GLT1D1: variants seen among roughly 807,000 people sequenced by gnomAD.
GLT1D1 encodes the protein glycosyltransferase 1 domain-containing protein 1.
A neutral mutation model predicts 28.7 loss-of-function variants in GLT1D1; 21 were observed. The observed-to-expected ratio is 0.73, with a 90% CI of 0.52 to 1.05. The LOEUF is 1.05. Among genes scored for constraint, GLT1D1 ranks in the 50% least tolerant of loss-of-function variants. The pLI is 0.00. For synonymous variants in GLT1D1, 147 were observed against 124.8 expected (o/e 1.18, Z -1.19); for missense variants, 343 against 330.6 (o/e 1.04, Z -0.29).
At chr12:128,866,850 ACCTCAGGTC>A (rs1956540334) in intron 1 of GLT1D1, among the ~76,000 whole-genome samples, 1 of 150,826 alleles carries the variant, frequency 6.6e-6, no homozygotes, top group South Asian at 2.1e-4. Context: ...TGAACTCCTG[ACCTCAGGTC>A]ATCCACCCAA....
At chr12:128,975,780 T>C (rs1225438944) in intron 7 of GLT1D1, among the ~76,000 whole-genome samples, 2 of 152,170 alleles carry the variant, frequency 1.3e-5, no homozygotes, top group African/African-American at 4.8e-5. Context: ...ATACTTATTT[T>C]AAAGTGAGCC....
intron 1 of GLT1D1, among the ~76,000 whole-genome samples, chr12:128,855,746 CTTTTTTTTTTTTT>C (rs34715979): frequency 1.1e-5 from 1 of 95,160 alleles, no homozygotes; most frequent in Non-Finnish European, 2.0e-5. Flanking sequence ...TGCTGGTTGC[CTTTTTTTTTTTTT>C]TTTTTTTTTT....
intron 1 of GLT1D1, among the ~76,000 whole-genome samples, chr12:128,862,681 C>T (rs1956410959): frequency 6.6e-6 from 1 of 152,112 alleles, no homozygotes; most frequent in African/African-American, 2.4e-5. Context: ...CTTCATTCAG[C>T]AGATATTTTT....
chr12:128,953,779 T>A (rs1229858403), intron 6 of GLT1D1, among the ~76,000 whole-genome samples: 1 of 151,664 alleles, frequency 6.6e-6, no homozygotes, highest in Non-Finnish European at 1.5e-5. Flanking sequence ...AGAGTCTCAC[T>A]CTGTTGCCCA....
rs1880498104 is a variant in GLT1D1 at position 128,983,126 on chromosome 12, A to G, written c.*36A>G. On this transcript the variant is annotated 3_prime_UTR_variant, in exon 8 of 8. Transcript: ENST00000281703. The surrounding 1 kb of genome is among the most constrained non-coding windows in gnomAD (Gnocchi z 4.7). ...TCATCAGACACCTGCTCTCTGACACACAGCTCTGGGTGCACACTCAGAGAC... is the reference window on the plus strand; with the variant it reads ...TCATCAGACACCTGCTCTCTGACACGCAGCTCTGGGTGCACACTCAGAGAC... 4 of 1,596,420 alleles carry G rather than the reference A, an allele frequency of 2.5e-6. No individual in the cohort carries two copies. In the South Asian group the frequency reaches 4.4e-5, roughly 18 times the overall value.
intron 1 of GLT1D1, among the ~76,000 whole-genome samples, chr12:128,868,616 A>G (rs1007055683): frequency 1.3e-5 from 2 of 152,122 alleles, no homozygotes; most frequent in African/African-American, 2.4e-5. Context: ...AGATGTTGAA[A>G]TGCCTGGCTT....
chr12:128,963,789 G>C (rs889715522), intron 7 of GLT1D1, among the ~76,000 whole-genome samples: 3 of 152,224 alleles, frequency 2.0e-5, no homozygotes, highest in Non-Finnish European at 2.9e-5. Flanking sequence ...TGAAGGTGAA[G>C]GAATGAAACA....
At chr12:128,979,139 C>T (rs1044044008) in intron 7 of GLT1D1, among the ~76,000 whole-genome samples, 1 of 152,232 alleles carries the variant, frequency 6.6e-6, no homozygotes, top group African/African-American at 2.4e-5. Flanking sequence ...CTGGTTCAAA[C>T]GCCTCTGACA....
chr12:128,922,624 TA>T (rs974928431), intron 4 of GLT1D1, among the ~76,000 whole-genome samples: 26 of 152,100 alleles, frequency 1.7e-4, no homozygotes, highest in African/African-American at 6.3e-4. Context: ...TCAGGATACT[TA>T]GAATATTAAG....
At chr12:128,952,203 G>C (rs1876761195) in intron 6 of GLT1D1, among the ~76,000 whole-genome samples, 1 of 151,976 alleles carries the variant, frequency 6.6e-6, no homozygotes, top group Admixed American at 6.6e-5. Context: ...AGAGTGAACA[G>C]AGAACTTTAG....
chr12:128,916,106 G>A (rs1872087121), intron 4 of GLT1D1, among the ~76,000 whole-genome samples: 1 of 152,120 alleles, frequency 6.6e-6, no homozygotes, highest in Admixed American at 6.5e-5. Context: ...TCATCTAAGT[G>A]GAGTCATGCA....
intron 2 of GLT1D1, among the ~76,000 whole-genome samples, chr12:128,881,327 T>C (rs597417): frequency 0.014 from 2,163 of 149,342 alleles, 61 homozygotes; most frequent in African/African-American, 0.051. Context: ...AGTTAAGATT[T>C]CGAGATTAGC....
intron 4 of GLT1D1, 95 bp from the exon 6 acceptor site, chr12:128,914,835 ATAG>A (rs764790927): frequency 4.8e-6 from 4 of 841,474 alleles, no homozygotes; most frequent in Non-Finnish European, 7.6e-6. Context: ...AATAAGAATA[ATAG>A]TAATAATAAT....
chr12:128,877,612 A>G (rs1290100036), intron 2 of GLT1D1, among the ~76,000 whole-genome samples: 1 of 152,238 alleles, frequency 6.6e-6, no homozygotes, highest in Non-Finnish European at 1.5e-5. Flanking sequence ...TATGAAAAGT[A>G]AGCCTGTCTC....
In GLT1D1 at chr12:128,890,561, G is replaced by A. The variant is rs1024523755; in HGVS notation, c.323+1817G>A. Among the ~76,000 whole-genome samples, 6 of 152,260 alleles carry A rather than the reference G, an allele frequency of 3.9e-5. No individual in the cohort carries two copies. In the East Asian group the frequency reaches 7.7e-4, roughly 20 times the overall value. ...CACTTTGGGAGGCCTGAGGCAGGTG[G>A]ATCACTTGAGGTCAGGAGTTCGAGA... On this transcript the variant is annotated intron_variant, in intron 3 of 7. Transcript: ENST00000281703.
chr12:128,973,948 T>TGGG (rs1205417679), intron 7 of GLT1D1, among the ~76,000 whole-genome samples: 1 of 52,956 alleles, frequency 1.9e-5, no homozygotes, highest in African/African-American at 5.9e-5. Flanking sequence ...GGTGTGTGTG[T>TGGG]GTGGGGGGGG....
chr12:128,967,202 A>C (rs56024291), intron 7 of GLT1D1, among the ~76,000 whole-genome samples: 8,843 of 152,302 alleles, frequency 0.058, 846 homozygotes, highest in African/African-American at 0.2. Context: ...TTTATCCAGA[A>C]TGGGCTGGGC....
At chr12:128,879,536 G>T (rs980898161) in intron 2 of GLT1D1, among the ~76,000 whole-genome samples, 45 of 151,024 alleles carry the variant, frequency 3.0e-4, no homozygotes, top group African/African-American at 9.5e-4. Flanking sequence ...GCTCACTGCA[G>T]CCTCTGCCTA....
At position 128,946,640 on chromosome 12, in the gene GLT1D1, T is replaced by TC. The variant is rs1169174512; in HGVS notation, c.420-698_420-697insC. On this transcript the variant is annotated intron_variant, in intron 5 of 7. Coordinates refer to ENST00000281703, the MANE Select transcript of GLT1D1 (RefSeq NM_144669.3). Reference sequence around the variant, plus strand: ...GAGCCACTGCGCCCGGCCTCCTTTTTTTTTTTTTTTTTTTTTTTTTTTTTT... The same window carrying TC: ...GAGCCACTGCGCCCGGCCTCCTTTTTCTTTTTTTTTTTTTTTTTTTTTTTTT... Among the ~76,000 whole-genome samples the TC allele has an allele frequency of 1.5e-3, 81 of 53,128 alleles. 2 individuals are homozygous for TC. Among genetic ancestry groups the TC allele is most frequent in the South Asian group, 2.3e-3 (3 of 1,326 alleles). 34.9% of individuals were successfully genotyped at this position (53,128 alleles called of 152,430 possible). A position where few individuals can be genotyped will look rare whatever the true frequency, so the allele number is the denominator to read the frequency against.
Sources: allele counts gnomAD v4.1 joint callset (sites outside exome capture counted in the v4.1 genomes callset), GRCh38; gene constraint gnomAD v4.1.1; non-coding constraint Gnocchi (gnomAD v3.1); transcripts MANE v1.5; gene names NCBI Gene and HGNC (gene_info 2026-07-23, HGNC 2026-07-21).